Variants in GALNT18 observed in about 807,000 individuals in gnomAD.
GALNT18 encodes polypeptide N-acetylgalactosaminyltransferase 18.
In GALNT18, 44 loss-of-function variants were observed where a neutral mutation model predicts 69.5. That is an observed-to-expected ratio of 0.63 (90% CI 0.50 to 0.81). GALNT18 has a LOEUF of 0.81. Among genes scored for constraint, GALNT18 ranks in the 40% least tolerant of loss-of-function variants. GALNT18 has a pLI of 0.00. For missense variants in GALNT18, 715 were observed against 810.0 expected, an observed-to-expected ratio of 0.88 and a Z score of 1.42; for synonymous variants, 364 against 318.2, an observed-to-expected ratio of 1.14 and a Z score of -1.53.
In GALNT18 at chr11:11,620,932, T is replaced by C. The variant is rs2133979875; in HGVS notation, c.235+427A>G. The stretch of plus-strand genomic sequence containing the variant: ...AGGGCCGCCGCGCGGGCATCTCGCC[T>C]GACGCCTACAGTGGCCAAAAAAGCT... On this transcript the variant is annotated intron_variant, in intron 1 of 10. Coordinates refer to ENST00000227756, the MANE Select transcript of GALNT18 (RefSeq NM_198516.3). The surrounding 1 kb of genome is among the most constrained non-coding windows in gnomAD (Gnocchi z 6.9). Among the ~76,000 whole-genome samples, 1 of 147,896 alleles carries C rather than the reference T, an allele frequency of 6.8e-6. No individual in the cohort carries two copies. Among genetic ancestry groups the C allele is most frequent in the Admixed American group, 6.7e-5 (1 of 14,936 alleles).
At chr11:11,359,959 C>G (rs1850607850) in intron 6 of GALNT18, among the ~76,000 whole-genome samples, 1 of 152,138 alleles carries the variant, frequency 6.6e-6, no homozygotes, top group Non-Finnish European at 1.5e-5. Flanking sequence ...GATCGTACAA[C>G]AATTAATAAT....
At chr11:11,608,537 T>C (rs1169857978) in intron 1 of GALNT18, among the ~76,000 whole-genome samples, 2 of 151,996 alleles carry the variant, frequency 1.3e-5, no homozygotes, top group Non-Finnish European at 2.9e-5. Context: ...TTTTTGTATT[T>C]TTTTTAGTAG....
intron 9 of GALNT18, among the ~76,000 whole-genome samples, chr11:11,302,479 C>T (rs1209953664): frequency 6.6e-6 from 1 of 152,126 alleles, no homozygotes; most frequent in Non-Finnish European, 1.5e-5. Flanking sequence ...CTGCACCCCC[C>T]AGACCAGCCT....
Position 11,271,183 on chromosome 11 carries a change from G to C in GALNT18, c.1785C>G (p.His595Gln). The change falls in exon 11 of 11, where the codon CAC becomes CAG. Residue 595 changes from histidine to glutamine, a missense_variant. His to Gln is a conservative substitution (Grantham distance 24, BLOSUM62 0). Coordinates refer to ENST00000227756, the MANE Select transcript of GALNT18 (RefSeq NM_198516.3). ...QLVLQKCSGQ[H>Q]WSITNVLRSL... ...TCCTCAGGACGTTGGTGATGCTCCA[G>C]TGCTGGCCCGAGCACTTCTGCAACA... 6.2e-7 allele frequency: 1 copy of C among 1,614,096 alleles called. No homozygotes were observed. The highest frequency in any genetic ancestry group is 8.5e-7 in the Non-Finnish European group (1 of 1,179,976).
chr11:11,451,951 A>C (rs141641934), intron 1 of GALNT18, among the ~76,000 whole-genome samples: 2,702 of 152,334 alleles, frequency 0.018, 38 homozygotes, highest in East Asian at 0.055. Context: ...TTGTAAATAA[A>C]GTTTTATTAG....
intron 1 of GALNT18, among the ~76,000 whole-genome samples, chr11:11,467,311 T>A (rs1447491251): frequency 6.6e-6 from 1 of 152,230 alleles, no homozygotes; most frequent in East Asian, 1.9e-4. Flanking sequence ...CATGGCTCCA[T>A]GGCCAGAAAT....
At chr11:11,577,553 G>A (rs530521578) in intron 1 of GALNT18, among the ~76,000 whole-genome samples, 2 of 152,308 alleles carry the variant, frequency 1.3e-5, no homozygotes, top group East Asian at 3.9e-4. Flanking sequence ...GTGAGGGCCT[G>A]CATCCATTCT....
intron 9 of GALNT18, among the ~76,000 whole-genome samples, chr11:11,312,380 AAAGT>A (rs1459654818): frequency 6.6e-6 from 1 of 152,232 alleles, no homozygotes; most frequent in African/African-American, 2.4e-5. Flanking sequence ...TTCTTACAAT[AAAGT>A]AAGCTAGAGA....
intron 10 of GALNT18, among the ~76,000 whole-genome samples, chr11:11,279,161 C>G (rs181185035): frequency 5.3e-5 from 8 of 152,160 alleles, no homozygotes; most frequent in African/African-American, 1.9e-4. Flanking sequence ...TCACCACTCT[C>G]TCTCCTCCCT....
chr11:11,450,407 CAA>C (rs1447880653), intron 1 of GALNT18, among the ~76,000 whole-genome samples: 1 of 152,118 alleles, frequency 6.6e-6, no homozygotes, highest in Admixed American at 6.5e-5. Context: ...TGCCTGGGAA[CAA>C]AAGAGGGAGG....
In GALNT18 at chr11:11,389,923, T is replaced by C. The variant is rs1412607129; in HGVS notation, c.596-10659A>G. ...ATTTTGGTGCTGGCTTCTCCTTTTT[T>C]GCAAGGCTTAGAGTTTAGAGTGCTG... is the stretch of plus-strand genomic sequence containing the variant. On this transcript the variant is annotated intron_variant, in intron 3 of 10. Transcript: ENST00000227756. The surrounding 1 kb of genome is among the most constrained non-coding windows in gnomAD (Gnocchi z 4.3). Among the ~76,000 whole-genome samples, 2 of 152,170 alleles carry C rather than the reference T, an allele frequency of 1.3e-5. No individual in the cohort carries two copies. The highest frequency in any genetic ancestry group is 1.5e-5 in the Non-Finnish European group (1 of 68,024).
rs916587216 is a variant in GALNT18, at chr11:11,399,977, G to A, written c.596-20713C>T. Among the ~76,000 whole-genome samples, 8 of 152,288 alleles carry A rather than the reference G, an allele frequency of 5.3e-5. No individual in the cohort carries two copies. The South Asian group carries it at 1.0e-3, about 20-fold the overall frequency. On this transcript the variant is annotated intron_variant, in intron 3 of 10. Transcript: ENST00000227756. ...TAAAAACATTTTTATCTTCAAAAAT[G>A]AAGCTTTATTTCTATTTAATTGAGT...
At position 11,600,999 on chromosome 11, in the gene GALNT18, T is replaced by A. The variant is rs914193194; in HGVS notation, c.235+20360A>T. Among the ~76,000 whole-genome samples, 11 of 152,202 alleles carry A rather than the reference T, an allele frequency of 7.2e-5. No individual in the cohort carries two copies. The highest frequency in any genetic ancestry group is 2.7e-4 in the African/African-American group (11 of 41,452). On this transcript the variant is annotated intron_variant, in intron 1 of 10. Transcript: ENST00000227756. This position sits in a 1 kb window ranked among gnomAD's most constrained non-coding sequence, Gnocchi z 4.8. ...TTTCCACTTAACTATTTTCATAACT[T>A]ATATCTTTTTATTGGTATTACCTAT...
chr11:11,374,496 G>A (rs1357313384), intron 5 of GALNT18, among the ~76,000 whole-genome samples: 1 of 152,206 alleles, frequency 6.6e-6, no homozygotes, highest in Non-Finnish European at 1.5e-5. Flanking sequence ...ATTTGCCTCT[G>A]CATTCCTAGT....
Position 11,538,410 on chromosome 11 carries a change from G to T in GALNT18, c.235+82949C>A, listed in dbSNP as rs1471404830. Among the ~76,000 whole-genome samples, 4 of 152,218 alleles carry T rather than the reference G, an allele frequency of 2.6e-5. No individual in the cohort carries two copies. Among genetic ancestry groups the T allele is most frequent in the African/African-American group, 9.6e-5 (4 of 41,466 alleles). Reference sequence around the variant, plus strand: ...TTCAGCTGAGCCACCCGGGGTGTCTGTCCCCAGACGTGGACACCAGCCAAC... The same window carrying T: ...TTCAGCTGAGCCACCCGGGGTGTCTTTCCCCAGACGTGGACACCAGCCAAC... On this transcript the variant is annotated intron_variant, in intron 1 of 10. Transcript: ENST00000227756. This position sits in a 1 kb window ranked among gnomAD's most constrained non-coding sequence, Gnocchi z 5.2.
chr11:11,284,828 TAA>T (rs1014253212), intron 10 of GALNT18, among the ~76,000 whole-genome samples: 32 of 30,692 alleles, frequency 1.0e-3, no homozygotes, highest in Middle Eastern at 9.8e-3. Flanking sequence ...ACCCTGAGAT[TAA>T]GTCTTTTTTT....
In GALNT18 at chr11:11,456,498, CA is replaced by C. The variant is rs551481605; in HGVS notation, c.236-7563del. Among the ~76,000 whole-genome samples the C allele has an allele frequency of 1.0e-3, 156 of 152,350 alleles. 1 individual carries two copies. The highest frequency in any genetic ancestry group is 3.6e-3 in the African/African-American group (150 of 41,594). ...CTAAAATACCTCCAGGGCCCCCCTGCAACCCCAGGTGCTCTGGCCCTTTTCT... is the reference window on the plus strand; with the variant it reads ...CTAAAATACCTCCAGGGCCCCCCTGCACCCCAGGTGCTCTGGCCCTTTTCT... On this transcript the variant is annotated intron_variant, in intron 1 of 10. Coordinates refer to ENST00000227756, the MANE Select transcript of GALNT18 (RefSeq NM_198516.3).
At chr11:11,345,062 C>T (rs1245621653) in intron 6 of GALNT18, among the ~76,000 whole-genome samples, 3 of 152,184 alleles carry the variant, frequency 2.0e-5, no homozygotes, top group Non-Finnish European at 4.4e-5. Context: ...AGCAAACAGG[C>T]CACAGAAGAC....
Position 11,461,385 on chromosome 11 carries a change from C to T in GALNT18, c.236-12449G>A, listed in dbSNP as rs756209208. 6.6e-6 allele frequency among the ~76,000 whole-genome samples: 1 copy of T among 152,136 alleles called. No homozygotes were observed. Among genetic ancestry groups the T allele is most frequent in the African/African-American group, 2.4e-5 (1 of 41,408 alleles). ...TATTAAAGGGTCAAGTTTTTACACTCCATGCCAACTATATAAAGTACATGT... is the reference window on the plus strand; with the variant it reads ...TATTAAAGGGTCAAGTTTTTACACTTCATGCCAACTATATAAAGTACATGT... On this transcript the variant is annotated intron_variant, in intron 1 of 10. Coordinates refer to ENST00000227756, the MANE Select transcript of GALNT18 (RefSeq NM_198516.3). The surrounding 1 kb of genome is among the most constrained non-coding windows in gnomAD (Gnocchi z 4.1).
Sources: gnomAD v4.1 joint callset for allele counts (sites outside exome capture counted in the v4.1 genomes callset) on GRCh38, gnomAD v4.1.1 for gene constraint, Gnocchi (gnomAD v3.1) non-coding constraint, MANE v1.5 for transcripts, NCBI Gene and HGNC (gene_info 2026-07-23, HGNC 2026-07-21) for gene names.